ABHD2: variants seen among roughly 807,000 people sequenced by gnomAD.
ABHD2 encodes abhydrolase domain containing 2, acylglycerol lipase.
Under a neutral mutation model 48.1 loss-of-function variants are expected in ABHD2, and 20 were observed. The observed-to-expected ratio is 0.42, with a 90% confidence interval of 0.29 to 0.60. The LOEUF is 0.60. ABHD2 is among the 20% of genes least tolerant of loss of function. ABHD2 has a pLI of 0.24. For missense variants in ABHD2, 405 were observed against 550.9 expected (o/e 0.74, Z 2.65); for synonymous variants, 209 against 214.2 (o/e 0.98, Z 0.21).
the ABHD2 span, among the ~76,000 whole-genome samples, chr15:89,077,687 C>G: frequency 1.1e-4 from 16 of 152,190 alleles, no homozygotes; most frequent in African/African-American, 3.9e-4. Flanking sequence ...GTGCTTGTCT[C>G]TTAGTAAGGG....
At chr15:89,148,179 G>A (rs1389316592) in intron 3 of ABHD2, among the ~76,000 whole-genome samples, 7 of 146,930 alleles carry the variant, frequency 4.8e-5, no homozygotes, top group Admixed American at 4.7e-4. Flanking sequence ...ATAGATTGGA[G>A]AAAACATTTG....
the ABHD2 span, among the ~76,000 whole-genome samples, chr15:89,064,471 G>A: frequency 5.3e-3 from 801 of 151,888 alleles, 13 homozygotes; most frequent in South Asian, 0.012. Flanking sequence ...CTTGTGATCC[G>A]CCCACCTCGG....
intron 3 of ABHD2, among the ~76,000 whole-genome samples, chr15:89,148,162 A>G (rs2050529257): frequency 1.3e-5 from 2 of 151,784 alleles, no homozygotes; most frequent in South Asian, 4.1e-4. Context: ...TAAAGTTAAA[A>G]TATACAATAG....
At chr15:89,158,287 G>A (rs112567979) in intron 5 of ABHD2, among the ~76,000 whole-genome samples, 1 of 152,218 alleles carries the variant, frequency 6.6e-6, no homozygotes, top group African/African-American at 2.4e-5. Flanking sequence ...AAGTAGAAGA[G>A]CTAAGAGAGG....
Position 89,116,520 on chromosome 15 carries a change from G to A in ABHD2, c.193G>A (p.Glu65Lys). The A allele has an allele frequency of 6.2e-7, 1 of 1,613,306 alleles. No individual in the cohort carries two copies. The highest frequency in any genetic ancestry group is 8.5e-7 in the Non-Finnish European group (1 of 1,179,504). The change falls in exon 3 of 11, where the codon GAA becomes AAA. Residue 65 changes from glutamate to lysine, a missense_variant and splice_region_variant. Physicochemically the swap from Glu to Lys is moderately conservative, Grantham distance 56. Transcript: ENST00000352732. The surrounding 1 kb of genome is among the most constrained non-coding windows in gnomAD (Gnocchi z 4.6). The stretch of plus-strand genomic sequence containing the variant: ...CAAGTCCTGTCCTCTTCTGACCAAA[G>A]AGTGAGTAGACCTCATGCCCTCTGT... ...LLKSCPLLTK[E>K]YIPPLIWGKS...
intron 9 of ABHD2, among the ~76,000 whole-genome samples, 165 bp from the exon 10 acceptor site, chr15:89,193,070 T>C (rs574985671): frequency 7.2e-4 from 109 of 152,344 alleles, no homozygotes; most frequent in African/African-American, 2.5e-3. Context: ...CTCATCACAC[T>C]GCCAGAGAAT....
At chr15:89,044,191 A>T in the ABHD2 span, among the ~76,000 whole-genome samples, 1 of 152,146 alleles carries the variant, frequency 6.6e-6, no homozygotes, top group Non-Finnish European at 1.5e-5. Context: ...ACTGAGAGTG[A>T]TGATTTCCAG....
Position 89,185,543 on chromosome 15 carries a change from G to C in ABHD2, c.815+27G>C. The C allele has an allele frequency of 6.3e-7, 1 of 1,597,138 alleles. No homozygotes were observed. Among genetic ancestry groups the C allele is most frequent in the Non-Finnish European group, 8.6e-7 (1 of 1,164,614 alleles). On this transcript the variant is annotated intron_variant, in intron 7 of 10. Transcript: ENST00000352732. The surrounding 1 kb of genome is among the most constrained non-coding windows in gnomAD (Gnocchi z 5.9). ...TAGGTCACCTTCCGTTCTCTCTCAG[G>C]AGACAGACAGTTCCTTCCTGAGCTC...
chr15:89,193,056 G>A (rs2051333313), intron 9 of ABHD2, among the ~76,000 whole-genome samples, 179 bp from the exon 10 acceptor site: 1 of 152,210 alleles, frequency 6.6e-6, no homozygotes, highest in Non-Finnish European at 1.5e-5. Context: ...AATGGCAGAT[G>A]TAACTCATCA....
chr15:89,048,125 CT>C, the ABHD2 span, among the ~76,000 whole-genome samples: 1 of 151,360 alleles, frequency 6.6e-6, no homozygotes, highest in Non-Finnish European at 1.5e-5. Context: ...ATTTGCTTGT[CT>C]GTAAAGTATT....
rs1170488485 is a variant in ABHD2 at position 89,114,719 on chromosome 15, A to G, written c.-7+895A>G. On this transcript the variant is annotated intron_variant, in intron 2 of 10. Coordinates refer to ENST00000352732, the MANE Select transcript of ABHD2 (RefSeq NM_152924.5). This position sits in a 1 kb window ranked among gnomAD's most constrained non-coding sequence, Gnocchi z 4.2. ...GGCTGGTCTCGAACTCCTGAGCTCA[A>G]GTGATCCACCCACTTTGGCCTCCCA... is the stretch of plus-strand genomic sequence containing the variant. Among the ~76,000 whole-genome samples, 1 of 152,114 alleles carries G rather than the reference A, an allele frequency of 6.6e-6. No individual in the cohort carries two copies. Among genetic ancestry groups the G allele is most frequent in the Non-Finnish European group, 1.5e-5 (1 of 68,018 alleles).
intron 1 of ABHD2, among the ~76,000 whole-genome samples, chr15:89,109,160 C>G (rs1374857854): frequency 6.6e-6 from 1 of 152,120 alleles, no homozygotes. Flanking sequence ...ATGCTTTTAG[C>G]CAGGGGAGAG....
chr15:89,174,293 A>G lies in ABHD2; in HGVS notation c.539-1519A>G, dbSNP rs2050975558. Among the ~76,000 whole-genome samples, 1 of 152,188 alleles carries G rather than the reference A, an allele frequency of 6.6e-6. No individual in the cohort carries two copies. ...ATATAGGAAACTTACCTTTCACTCC[A>G]TCTTTTACAGCATTTGAATTTTCTA... On this transcript the variant is annotated intron_variant, in intron 5 of 10. Transcript: ENST00000352732. The surrounding 1 kb of genome is among the most constrained non-coding windows in gnomAD (Gnocchi z 4.1).
the ABHD2 span, among the ~76,000 whole-genome samples, chr15:89,061,736 C>G: frequency 6.6e-6 from 1 of 152,008 alleles, no homozygotes; most frequent in South Asian, 2.1e-4. Flanking sequence ...CCACACCTGG[C>G]TAATTTTTGT....
At chr15:89,136,903 T>C (rs1415892255) in intron 3 of ABHD2, among the ~76,000 whole-genome samples, 1 of 152,266 alleles carries the variant, frequency 6.6e-6, no homozygotes, top group African/African-American at 2.4e-5. Context: ...TCTATGTGCA[T>C]GTCCTCAGGA....
chr15:89,071,015 A>C, the ABHD2 span, among the ~76,000 whole-genome samples: 1 of 152,000 alleles, frequency 6.6e-6, no homozygotes, highest in African/African-American at 2.4e-5. Context: ...TGCATTATTA[A>C]ATACTCATTG....
Position 89,173,487 on chromosome 15 carries a change from C to T in ABHD2, c.539-2325C>T, listed in dbSNP as rs1370576927. On this transcript the variant is annotated intron_variant, in intron 5 of 10. Transcript: ENST00000352732. This position sits in a 1 kb window ranked among gnomAD's most constrained non-coding sequence, Gnocchi z 6.5. ...ACTCAGGGGGCTGAGGCAGGAGGAT[C>T]GCTTGAACCTGAGAGGCAGAGGTTG... 6.6e-6 allele frequency among the ~76,000 whole-genome samples: 1 copy of T among 152,184 alleles called. No individual in the cohort carries two copies. The highest frequency in any genetic ancestry group is 2.4e-5 in the African/African-American group (1 of 41,442).
In ABHD2 at chr15:89,201,449, C is replaced by G; in HGVS notation, c.*6026C>G. The stretch of plus-strand genomic sequence containing the variant: ...GATCTCCATTTGGAATCCATTAATT[C>G]ATGAGGTTTTGCCTCATTCCACACA... On this transcript the variant is annotated 3_prime_UTR_variant, in exon 11 of 11. Transcript: ENST00000352732. The G allele has an allele frequency of 1.5e-6, 2 of 1,372,692 alleles. No homozygotes were observed. Among genetic ancestry groups the G allele is most frequent in the Non-Finnish European group, 2.1e-6 (2 of 972,424 alleles). The allele number at this position is 1,372,692 out of a possible 1,614,324, so 85.0% of individuals were successfully genotyped here. A position where few individuals can be genotyped will look rare whatever the true frequency, so the allele number is the denominator to read the frequency against.
At chr15:89,192,960 C>T (rs2051331711) in intron 9 of ABHD2, among the ~76,000 whole-genome samples, 1 of 152,218 alleles carries the variant, frequency 6.6e-6, no homozygotes, top group African/African-American at 2.4e-5. Flanking sequence ...AAAGTCATTT[C>T]CTAAAAGGAG....
Sources: gnomAD v4.1 joint callset for allele counts (sites outside exome capture counted in the v4.1 genomes callset) on GRCh38, gnomAD v4.1.1 for gene constraint, Gnocchi (gnomAD v3.1) non-coding constraint, MANE v1.5 for transcripts, NCBI Gene and HGNC (gene_info 2026-07-23, HGNC 2026-07-21) for gene names.